PDE8B: variants seen among roughly 807,000 people sequenced by gnomAD.
PDE8B encodes the protein phosphodiesterase 8B, also known as high affinity cAMP-specific and IBMX-insensitive 3',5'-cyclic phosphodiesterase 8B.
Under a neutral mutation model 101.3 loss-of-function variants are expected in PDE8B, and 26 were observed. That is an observed-to-expected ratio of 0.26 (90% CI 0.19 to 0.36). The LOEUF is 0.36. PDE8B is among the 10% of genes least tolerant of loss of function. The pLI is 1.00. For missense variants in PDE8B, 810 were observed against 1,163.1 expected (o/e 0.70, Z 4.42); for synonymous variants, 424 against 429.3 (o/e 0.99, Z 0.15).
the PDE8B span, among the ~76,000 whole-genome samples, chr5:77,191,249 A>G: frequency 6.6e-6 from 1 of 152,198 alleles, no homozygotes; most frequent in African/African-American, 2.4e-5. Flanking sequence ...TAGGACTTCA[A>G]CTTAGGAATT....
chr5:77,206,508 C>T (rs942177115), upstream of PDE8B, among the ~76,000 whole-genome samples: 1 of 152,114 alleles, frequency 6.6e-6, no homozygotes, highest in Non-Finnish European at 1.5e-5. Flanking sequence ...AGGAAGTTAG[C>T]CTTGCAAGTA....
At chr5:77,331,749 A>G (rs1327404489) in intron 5 of PDE8B, among the ~76,000 whole-genome samples, 1 of 152,168 alleles carries the variant, frequency 6.6e-6, no homozygotes. Context: ...CTAAAGTAAT[A>G]AAGTAATCTT....
At chr5:77,241,948 C>A (rs1034779102) in intron 1 of PDE8B, among the ~76,000 whole-genome samples, 3 of 152,196 alleles carry the variant, frequency 2.0e-5, no homozygotes, top group Non-Finnish European at 1.5e-5. Context: ...GCAAAACTTT[C>A]TCATGGTTCA....
At chr5:77,149,049 G>A in the PDE8B span, among the ~76,000 whole-genome samples, 3 of 152,130 alleles carry the variant, frequency 2.0e-5, no homozygotes, top group African/African-American at 4.8e-5. Flanking sequence ...TGCATATGAT[G>A]TGAGAGAAGG....
chr5:77,375,415 C>T (rs1251804825), intron 10 of PDE8B, among the ~76,000 whole-genome samples: 2 of 152,170 alleles, frequency 1.3e-5, no homozygotes, highest in Non-Finnish European at 2.9e-5. Flanking sequence ...ATTTAAATTC[C>T]TGCTTTCAGA....
At chr5:77,125,092 C>T in the PDE8B span, among the ~76,000 whole-genome samples, 1 of 152,184 alleles carries the variant, frequency 6.6e-6, no homozygotes, top group Non-Finnish European at 1.5e-5. Context: ...GGGCTGGCTT[C>T]AGTGATTCTT....
chr5:77,105,393 T>C, the PDE8B span: 1 of 152,222 alleles, frequency 6.6e-6, no homozygotes, highest in African/African-American at 2.4e-5. Context: ...TATTATAAAA[T>C]AGGCTTGTGT....
chr5:77,421,721 C>T (rs954962683), intron 19 of PDE8B, 100 bp from the exon 20 acceptor site: 8 of 1,111,184 alleles, frequency 7.2e-6, no homozygotes, highest in South Asian at 5.2e-5. Context: ...CCCAGTCCTA[C>T]CTGTGTGCTC....
intron 5 of PDE8B, among the ~76,000 whole-genome samples, chr5:77,332,482 GACTT>G (rs1561539214): frequency 6.6e-6 from 1 of 152,144 alleles, no homozygotes; most frequent in Non-Finnish European, 1.5e-5. Context: ...ACTCCAAAGA[GACTT>G]ACCAAAAAAA....
chr5:77,359,820 G>A (rs899499863), intron 10 of PDE8B, among the ~76,000 whole-genome samples: 4 of 152,068 alleles, frequency 2.6e-5, no homozygotes, highest in South Asian at 4.2e-4. Flanking sequence ...ATAGACTGCC[G>A]GGCGCAGTGG....
At chr5:77,164,082 T>TC in the PDE8B span, among the ~76,000 whole-genome samples, 1 of 152,232 alleles carries the variant, frequency 6.6e-6, no homozygotes, top group East Asian at 1.9e-4. Flanking sequence ...TGAGAGTCCT[T>TC]GGAAGAAGAA....
At chr5:77,391,606 T>C (rs1789939751) in intron 10 of PDE8B, among the ~76,000 whole-genome samples, 1 of 152,210 alleles carries the variant, frequency 6.6e-6, no homozygotes, top group Non-Finnish European at 1.5e-5. Context: ...CTGGCATACA[T>C]TTCCATCCCC....
At chr5:77,318,147 A>C (rs1774249819) in intron 2 of PDE8B, among the ~76,000 whole-genome samples, 1 of 151,560 alleles carries the variant, frequency 6.6e-6, no homozygotes, top group African/African-American at 2.4e-5. Flanking sequence ...GAACCATTAT[A>C]TTTTGGGGAT....
the PDE8B span, among the ~76,000 whole-genome samples, chr5:77,160,511 A>G: frequency 3.9e-5 from 6 of 152,188 alleles, no homozygotes; most frequent in Non-Finnish European, 5.9e-5. Context: ...AGATTGTCGT[A>G]TACTAATTTG....
At chr5:77,260,157 C>CAAAAAAAAAAAAAAAAAAAAAA (rs66923234) in intron 1 of PDE8B, among the ~76,000 whole-genome samples, 9 of 100,954 alleles carry the variant, frequency 8.9e-5, no homozygotes, top group East Asian at 2.7e-4. Context: ...AACTCCATCA[C>CAAAAAAAAAAAAAAAAAAAAAA]AAAAAAAAAA....
intron 4 of PDE8B, among the ~76,000 whole-genome samples, chr5:77,330,753 A>G (rs1341190862): frequency 2.6e-5 from 4 of 152,208 alleles, no homozygotes; most frequent in Admixed American, 1.3e-4. Context: ...TCTTGGTGAT[A>G]GAGAGCCCAG....
intron 1 of PDE8B, chr5:77,246,859 T>G (rs1463239576): frequency 6.6e-6 from 1 of 152,222 alleles, no homozygotes; most frequent in Non-Finnish European, 1.5e-5. Context: ...TAAGAGTTCT[T>G]CAGACTCTGG....
the PDE8B span, chr5:77,105,699 T>C: frequency 6.6e-6 from 1 of 152,208 alleles, no homozygotes; most frequent in Admixed American, 6.5e-5. Context: ...GGTAAATATG[T>C]ATTTAAATTT....
intron 10 of PDE8B, among the ~76,000 whole-genome samples, chr5:77,384,191 G>C (rs754327435): frequency 6.6e-6 from 1 of 152,084 alleles, no homozygotes; most frequent in Admixed American, 6.5e-5. Context: ...CCTTGAAAAG[G>C]TCCTTCACAT....
Sources: gnomAD v4.1 joint callset for allele counts (sites outside exome capture counted in the v4.1 genomes callset) on GRCh38, gnomAD v4.1.1 for gene constraint, MANE v1.5 for transcripts, NCBI Gene and HGNC (gene_info 2026-07-23, HGNC 2026-07-21) for gene names.